TRIM21: variants seen among roughly 807,000 people sequenced by gnomAD.
TRIM21 encodes the protein tripartite motif containing 21.
In TRIM21, 35 loss-of-function variants were observed where a neutral mutation model predicts 36.1. The ratio of observed to expected loss-of-function variants is 0.97; its 90% CI spans 0.74 to 1.28. The LOEUF (loss-of-function observed/expected upper bound fraction) is 1.28. Among genes scored for constraint, TRIM21 ranks in the 50% most tolerant of loss-of-function variants. The pLI, the probability that TRIM21 is intolerant of heterozygous loss-of-function variation, is 0.00. For synonymous variants in TRIM21, 256 were observed against 211.5 expected (o/e 1.21, Z -1.83); for missense variants, 635 against 570.7 (o/e 1.11, Z -1.15).
At chr11:4,389,809 C>A in intron 2 of TRIM21, 60 bp from the exon 3 acceptor site, 1 of 1,552,338 alleles carries the variant, frequency 6.4e-7, no homozygotes, top group South Asian at 1.1e-5. Context: ...GTGGGGTAAT[C>A]CTTGCAGCAT....
At chr11:4,389,891 C>A in intron 2 of TRIM21, 111 bp downstream of exon 2, 2 of 1,497,692 alleles carry the variant, frequency 1.3e-6, no homozygotes, top group South Asian at 1.2e-5. Flanking sequence ...CTACATTAGA[C>A]ATGGAGAGAG....
intron 3 of TRIM21, 126 bp downstream of exon 3, chr11:4,389,528 G>T: frequency 1.2e-6 from 1 of 803,264 alleles, no homozygotes. Flanking sequence ...CTGGCTTCTG[G>T]AGAGTGAGAC....
chr11:4,388,279 G>T (rs760201272), intron 4 of TRIM21, 21 bp downstream of exon 4: 1 of 1,589,294 alleles, frequency 6.3e-7, no homozygotes, highest in South Asian at 1.1e-5. Context: ...AATTGTAGAA[G>T]GAAACCCCTC....
In TRIM21 at chr11:4,386,920, A is replaced by C. The variant is rs755499996; in HGVS notation, c.758+48T>G. 3.2e-6 allele frequency: 5 copies of C among 1,558,748 alleles called. No individual in the cohort carries two copies. In the Admixed American group the frequency reaches 9.4e-5, roughly 29 times the overall value. On this transcript the variant is annotated intron_variant, in intron 5 of 6. Coordinates refer to ENST00000254436, the MANE Select transcript of TRIM21 (RefSeq NM_003141.4). ...ATTCAATCACCTTTGTCATAGGCAT[A>C]TATGCTTTCTGCTGGCCCCTCTTCT...
Position 4,389,521 on chromosome 11 carries a change from G to C in TRIM21, c.504+133C>G. 7 of 751,506 alleles carry C rather than the reference G, an allele frequency of 9.3e-6. 1 individual carries two copies. The highest frequency in any genetic ancestry group is 8.8e-5 in the South Asian group (6 of 68,014). 46.6% of individuals were successfully genotyped at this position (751,506 alleles called of 1,614,324 possible). A position where few individuals can be genotyped will look rare whatever the true frequency, so the allele number is the denominator to read the frequency against. On this transcript the variant is annotated intron_variant, in intron 3 of 6. Transcript: ENST00000254436. ...TATTTGTAAACCTAGAGAGCAGCTG[G>C]CTTCTGGAGAGTGAGACGGACCAAC...
chr11:4,385,700 T>C lies in TRIM21; in HGVS notation c.1013A>G (p.His338Arg). The change falls in exon 7 of 7, where the codon CAC (histidine) becomes CGC (arginine). Residue 338 changes from histidine to arginine, a missense_variant. Coordinates refer to ENST00000254436, the MANE Select transcript of TRIM21 (RefSeq NM_003141.4). The stretch of plus-strand genomic sequence containing the variant: ...TACCTCCCAGTAATGTTTTCCAGAG[T>C]GAAAGTGCTGGGCACCCAGGACCAT... ...YPMVLGAQHF[H>R]SGKHYWEVDV... 1 of 1,613,122 alleles carries C rather than the reference T, an allele frequency of 6.2e-7. No homozygotes were observed. Among genetic ancestry groups the C allele is most frequent in the Non-Finnish European group, 8.5e-7 (1 of 1,179,574 alleles).
chr11:4,386,335 A>T, intron 5 of TRIM21, 78 bp from the exon 6 acceptor site: 1 of 1,175,312 alleles, frequency 8.5e-7, no homozygotes, highest in South Asian at 1.3e-5. Context: ...ATTGTGGAGG[A>T]CTCCGATAAT....
Position 4,385,319 on chromosome 11 carries a change from A to G in TRIM21, c.1394T>C (p.Leu465Pro), listed in dbSNP as rs375099862. 1.7e-5 allele frequency: 27 copies of G among 1,613,034 alleles called. No homozygotes were observed. The highest frequency in any genetic ancestry group is 2.2e-5 in the Non-Finnish European group (26 of 1,179,816). The stretch of plus-strand genomic sequence containing the variant: ...AGTGGATCCTTGTGATCCAATATTC[A>G]GTGGACAGAGGGTTAGAGGGGCTGT... ...KNTAPLTLCP[L>P]NIGSQGSTDY The change falls in exon 7 of 7, where the codon CTG becomes CCG. Residue 465 changes from leucine (L) to proline (P), a missense_variant. Physicochemically the swap from Leu to Pro is moderately conservative, Grantham distance 98. Coordinates refer to ENST00000254436, the MANE Select transcript of TRIM21 (RefSeq NM_003141.4).
intron 1 of TRIM21, 54 bp from the exon 2 acceptor site, chr11:4,390,512 A>C: frequency 8.1e-7 from 1 of 1,236,698 alleles, no homozygotes. Flanking sequence ...GTGTAAGAAA[A>C]ACAAAAAGTC....
intron 6 of TRIM21, 62 bp from the exon 7 acceptor site, chr11:4,385,915 G>T: frequency 1.4e-6 from 2 of 1,466,158 alleles, no homozygotes; most frequent in South Asian, 1.4e-5. Flanking sequence ...CTGTGCCTGT[G>T]GTGGGGGGAT....
At position 4,390,343 on chromosome 11, in the gene TRIM21, A is replaced by G. The variant is rs2094961673; in HGVS notation, c.67T>C (p.Phe23Leu). 1.9e-6 allele frequency: 3 copies of G among 1,613,846 alleles called. No individual in the cohort carries two copies. The highest frequency in any genetic ancestry group is 1.3e-5 in the African/African-American group (1 of 74,922). The change falls in exon 2 of 7, where the codon TTC (phenylalanine) becomes CTC (leucine). Residue 23 changes from phenylalanine (F) to leucine (L), a missense_variant. Transcript: ENST00000254436. ...CACTCGATGCTCACAGGCTCCACGA[A>G]GGGGTCCAGGCAGATAGGGCATGTG... The part of the protein sequence containing the change: ...EVTCPICLDP[F>L]VEPVSIECGH...
intron 6 of TRIM21, 21 bp downstream of exon 6, chr11:4,386,136 C>A (rs770220583): frequency 6.2e-7 from 1 of 1,611,500 alleles, no homozygotes; most frequent in Admixed American, 1.7e-5. Flanking sequence ...TTATCCCCCG[C>A]AAAACTAGAA....
rs191468264 is a variant in TRIM21 at position 4,390,049 on chromosome 11, G to A, written c.361C>T (p.Arg121Cys). 25 of 1,613,934 alleles carry A rather than the reference G, an allele frequency of 1.5e-5. No individual in the cohort carries two copies. Among genetic ancestry groups the A allele is most frequent in the Middle Eastern group, 1.6e-4 (1 of 6,062 alleles). The change falls in exon 2 of 7, where the codon CGT (arginine) becomes TGT (cysteine). Residue 121 changes from arginine (R) to cysteine (C), a missense_variant. Physicochemically the swap from Arg to Cys is radical, Grantham distance 180. Coordinates refer to ENST00000254436, the MANE Select transcript of TRIM21 (RefSeq NM_003141.4). ...CWVCAQSRKH[R>C]DHAMVPLEEA... Reference sequence around the variant, plus strand: ...TCAAGAGGGACCATGGCGTGGTCACGGTGTTTCCGAGACTGGGCACATACC... The same window carrying A: ...TCAAGAGGGACCATGGCGTGGTCACAGTGTTTCCGAGACTGGGCACATACC...
chr11:4,385,534 G>C lies in TRIM21; in HGVS notation c.1179C>G (p.Tyr393Ter). The C allele has an allele frequency of 6.2e-7, 1 of 1,611,840 alleles. No homozygotes were observed. Among genetic ancestry groups the C allele is most frequent in the South Asian group, 1.1e-5 (1 of 90,630 alleles). Residue 393 changes from tyrosine (Y) to a stop codon, truncating the protein, a stop_gained, in exon 7 of 7, where the codon TAC (tyrosine) becomes TAG (stop). Transcript: ENST00000254436. LOFTEE classifies it low-confidence loss of function (END_TRUNC). Reference sequence around the variant, plus strand: ...CCTGAAGGTGGAGGGGAGTCTGGGGGTAGGTGCCAGCCTCATATTTTTGTT... The same window carrying C: ...CCTGAAGGTGGAGGGGAGTCTGGGGCTAGGTGCCAGCCTCATATTTTTGTT... The part of the protein sequence containing the change: ...WNKQKYEAGT[Y>*]PQTPLHLQVP...
chr11:4,388,330 C>A lies in TRIM21; in HGVS notation c.705G>T (p.Arg235Ser). The change falls in exon 4 of 7, where the codon AGG (arginine) becomes AGT (serine). Residue 235 changes from arginine (R) to serine (S), a missense_variant. Physicochemically the swap from Arg to Ser is moderately radical, Grantham distance 110. Coordinates refer to ENST00000254436, the MANE Select transcript of TRIM21 (RefSeq NM_003141.4). ...LQELISELDR[R>S]CHSSALELLQ... ...GCAGTTCCAGTGCTGAGCTGTGGCA[C>A]CTTCGATCTAGCTCTGAGATGAGCT... is the stretch of plus-strand genomic sequence containing the variant. 6.2e-7 allele frequency: 1 copy of A among 1,613,900 alleles called. No homozygotes were observed. Among genetic ancestry groups the A allele is most frequent in the South Asian group, 1.1e-5 (1 of 91,086 alleles).
chr11:4,391,012 TG>T (rs34490271), intron 1 of TRIM21, among the ~76,000 whole-genome samples: 92,546 of 151,792 alleles, frequency 0.61, 28,519 homozygotes, highest in East Asian at 0.85. Flanking sequence ...GACATTGGAC[TG>T]GGCAAAGATT....
At chr11:4,389,811 T>C in intron 2 of TRIM21, 62 bp from the exon 3 acceptor site, 1 of 1,548,030 alleles carries the variant, frequency 6.5e-7, no homozygotes, top group Non-Finnish European at 8.9e-7. Flanking sequence ...GGGGTAATCC[T>C]TGCAGCATTT....
At position 4,390,182 on chromosome 11, in the gene TRIM21, A is replaced by T. The variant is rs376171407; in HGVS notation, c.228T>A (p.Leu76=). 1 of 1,613,918 alleles carries T rather than the reference A, an allele frequency of 6.2e-7. No homozygotes were observed. The change falls in exon 2 of 7, where the codon CTT becomes CTA. Residue 76 remains leucine (L), a synonymous_variant. Coordinates refer to ENST00000254436, the MANE Select transcript of TRIM21 (RefSeq NM_003141.4). ...CTCTGGCCTCCTGGCTGATTTCTTTAAGGTTGTTCACCATGTTGGCTAGCT... is the reference window on the plus strand; with the variant it reads ...CTCTGGCCTCCTGGCTGATTTCTTTTAGGTTGTTCACCATGTTGGCTAGCT... ...NRQLANMVNN[L]KEISQEAREG...
chr11:4,392,335 G>C (rs760887832), intron 1 of TRIM21, among the ~76,000 whole-genome samples: 1 of 152,200 alleles, frequency 6.6e-6, no homozygotes, highest in Non-Finnish European at 1.5e-5. Context: ...GGGAGGCCGA[G>C]GTGGGTGGAT....
Sources: allele counts gnomAD v4.1 joint callset (sites outside exome capture counted in the v4.1 genomes callset), GRCh38; gene constraint gnomAD v4.1.1; transcripts MANE v1.5; gene names NCBI Gene and HGNC (gene_info 2026-07-23, HGNC 2026-07-21).